The following EML6 variants were observed in gnomAD, a reference collection of about 807,000 sequenced individuals.
EML6 encodes the protein EMAP like 6.
EML6 carries 154 observed loss-of-function variants against 240.1 expected under a neutral mutation model. The ratio of observed to expected loss-of-function variants is 0.64; its 90% CI spans 0.56 to 0.73. The LOEUF (loss-of-function observed/expected upper bound fraction) is 0.73, where lower values mean the gene tolerates loss of function less well. Ranked by LOEUF, EML6 falls within the 30% of genes least tolerant of loss-of-function variation. The probability of loss-of-function intolerance (pLI) is 0.00; values close to 1 mark genes in which losing one functional copy is unlikely to be tolerated. For synonymous variants in EML6, 1,148 were observed against 899.0 expected, an observed-to-expected ratio of 1.28 and a Z score of -4.95; for missense variants, 2,964 against 2,474.6, an observed-to-expected ratio of 1.20 and a Z score of -4.20.
At chr2:54,884,281 C>G (rs1408465919) in intron 17 of EML6, among the ~76,000 whole-genome samples, 1 of 152,138 alleles carries the variant, frequency 6.6e-6, no homozygotes, top group Non-Finnish European at 1.5e-5. Flanking sequence ...GGAAGGGGCA[C>G]AGAGCTTCCA....
chr2:54,916,297 T>C (rs1673905758), intron 25 of EML6, among the ~76,000 whole-genome samples: 1 of 152,220 alleles, frequency 6.6e-6, no homozygotes, highest in Admixed American at 6.5e-5. Context: ...CCAGGAACAT[T>C]TGGCAATGCC....
chr2:54,801,461 C>G (rs1670142186), intron 2 of EML6, among the ~76,000 whole-genome samples: 1 of 152,140 alleles, frequency 6.6e-6, no homozygotes, highest in Non-Finnish European at 1.5e-5. Context: ...TGGAGGGATA[C>G]TCGTGTCAAA....
chr2:54,747,326 C>G (rs1683957319), intron 2 of EML6: 2 of 152,198 alleles, frequency 1.3e-5, no homozygotes, highest in Admixed American at 6.5e-5. Context: ...CCTTTTCAGC[C>G]ATGACAGAAG....
At chr2:54,925,382 A>G (rs1227396471) in intron 26 of EML6, among the ~76,000 whole-genome samples, 1 of 152,122 alleles carries the variant, frequency 6.6e-6, no homozygotes, top group Non-Finnish European at 1.5e-5. Context: ...CAAGCAGACT[A>G]ATGTCCCATG....
intron 8 of EML6, among the ~76,000 whole-genome samples, chr2:54,844,923 C>A (rs572025785): frequency 2.0e-5 from 3 of 152,164 alleles, no homozygotes; most frequent in South Asian, 2.1e-4. Flanking sequence ...AGAATGTTAC[C>A]CCAATTTCAG....
chr2:54,943,758 A>C (rs1675546568), intron 28 of EML6, among the ~76,000 whole-genome samples: 2 of 152,302 alleles, frequency 1.3e-5, no homozygotes, highest in African/African-American at 4.8e-5. Context: ...TGATTTTAAC[A>C]ATATATTTTA....
chr2:54,800,074 G>A (rs769281027), intron 2 of EML6, among the ~76,000 whole-genome samples: 15 of 152,150 alleles, frequency 9.9e-5, no homozygotes, highest in Middle Eastern at 3.4e-3. Flanking sequence ...GTGAAACCCC[G>A]TCTCTACTAA....
chr2:54,835,984 C>A (rs570844154), intron 7 of EML6, among the ~76,000 whole-genome samples: 1 of 152,172 alleles, frequency 6.6e-6, no homozygotes, highest in Admixed American at 6.5e-5. Context: ...TCCAGTCCCG[C>A]GGGCGGCTCC....
intron 24 of EML6, among the ~76,000 whole-genome samples, chr2:54,908,108 C>T (rs1673444749): frequency 6.6e-6 from 1 of 151,904 alleles, no homozygotes; most frequent in African/African-American, 2.4e-5. Context: ...AAAAAAATAC[C>T]CTTAATTATT....
rs375978684 is a variant in EML6, at chr2:54,830,301, T to G, written c.847+824T>G. 3.3e-5 allele frequency among the ~76,000 whole-genome samples: 5 copies of G among 152,244 alleles called. No individual in the cohort carries two copies. The East Asian group carries it at 9.6e-4, about 29-fold the overall frequency. On this transcript the variant is annotated intron_variant, in intron 7 of 41. Transcript: ENST00000356458. ...ATACGCTAAGCACAGGTTGGGAGGT[T>G]CTGTTCACTCCCCACAGGTGGGCCA... is the stretch of plus-strand genomic sequence containing the variant.
chr2:54,814,583 C>G (rs1668001194), intron 3 of EML6, among the ~76,000 whole-genome samples: 1 of 152,142 alleles, frequency 6.6e-6, no homozygotes, highest in African/African-American at 2.4e-5. Context: ...TTCCTTCAAT[C>G]TAATTTTTGA....
intron 19 of EML6, among the ~76,000 whole-genome samples, chr2:54,893,454 T>C (rs1003367062): frequency 6.6e-6 from 1 of 152,128 alleles, no homozygotes; most frequent in African/African-American, 2.4e-5. Context: ...CCTACAATAA[T>C]GGCATTAATC....
intron 28 of EML6, among the ~76,000 whole-genome samples, chr2:54,943,465 C>G (rs1316576467): frequency 6.6e-6 from 1 of 152,172 alleles, no homozygotes; most frequent in Non-Finnish European, 1.5e-5. Context: ...TTTGATTAAT[C>G]TTATAAACTT....
At chr2:54,823,878 T>TCTCTCTCTCTCTCTCTC (rs60937620) in intron 5 of EML6, among the ~76,000 whole-genome samples, 3,157 of 129,072 alleles carry the variant, frequency 0.024, 297 homozygotes, top group Admixed American at 0.035. Context: ...CTCTCTCTCT[T>TCTCTCTCTCTCTCTCTC]TCTGTCTCTC....
intron 24 of EML6, among the ~76,000 whole-genome samples, chr2:54,904,186 A>C (rs1160248320): frequency 6.6e-6 from 1 of 152,190 alleles, no homozygotes; most frequent in Non-Finnish European, 1.5e-5. Context: ...CAAGAGCACA[A>C]AATGGGTACC....
chr2:54,799,824 CAA>C (rs1670023431), intron 2 of EML6, among the ~76,000 whole-genome samples: 2 of 152,162 alleles, frequency 1.3e-5, no homozygotes, highest in African/African-American at 4.8e-5. Flanking sequence ...CAGAAGCAGA[CAA>C]AACTCATTTT....
chr2:54,816,795 C>T lies in EML6; in HGVS notation c.366C>T (p.Ala122=), dbSNP rs1304595575. ...LAFDSDGQRL[A]SVGLDAKNTV... is the part of the protein sequence containing the mutation. ...ATTGTTCTTATTCTTAGCGTTTAGC[C>T]TCTGTGGGGTTGGATGCCAAAAACA... is the stretch of plus-strand genomic sequence containing the variant. Residue 122 remains alanine (A), a synonymous_variant, in exon 4 of 42, where the codon GCC becomes GCT. Coordinates refer to ENST00000356458, the MANE Select transcript of EML6 (RefSeq NM_001039753.4). The T allele has an allele frequency of 1.3e-6, 2 of 1,550,478 alleles. No homozygotes were observed. Among genetic ancestry groups the T allele is most frequent in the East Asian group, 2.4e-5 (1 of 40,906 alleles).
At chr2:54,840,778 A>C (rs1669402367) in intron 7 of EML6, among the ~76,000 whole-genome samples, 1 of 152,256 alleles carries the variant, frequency 6.6e-6, no homozygotes, top group South Asian at 2.1e-4. Flanking sequence ...AATAAAACTG[A>C]TAAAACTCTC....
chr2:54,960,839 T>C (rs1303597030), intron 35 of EML6, among the ~76,000 whole-genome samples: 2 of 152,148 alleles, frequency 1.3e-5, no homozygotes, highest in African/African-American at 4.8e-5. Flanking sequence ...AGAATATGGA[T>C]GTCCGGGCAC....
Sources: allele counts gnomAD v4.1 joint callset (sites outside exome capture counted in the v4.1 genomes callset), GRCh38; gene constraint gnomAD v4.1.1; transcripts MANE v1.5; gene names NCBI Gene and HGNC (gene_info 2026-07-23, HGNC 2026-07-21).